The following AAK1 variants were observed in gnomAD, a reference collection of about 807,000 sequenced individuals.
AAK1 encodes the protein AP2-associated protein kinase 1.
In AAK1, 37 loss-of-function variants were observed where a neutral mutation model predicts 116.0. That is an observed-to-expected ratio of 0.32 (90% confidence interval 0.25 to 0.42). The LOEUF is 0.42. Ranked by LOEUF, AAK1 falls within the 10% of genes least tolerant of loss-of-function variation. AAK1 has a pLI of 1.00. For missense variants in AAK1, 919 were observed against 1,170.6 expected (o/e 0.79, Z 3.14); for synonymous variants, 458 against 439.9 (o/e 1.04, Z -0.51).
chr2:69,577,514 T>C (rs988384312), intron 2 of AAK1, among the ~76,000 whole-genome samples: 3 of 152,118 alleles, frequency 2.0e-5, no homozygotes, highest in African/African-American at 7.2e-5. Flanking sequence ...AAACATCCCC[T>C]CTACCCTCCA....
chr2:69,625,438 C>A (rs1674851610), intron 2 of AAK1, among the ~76,000 whole-genome samples: 2 of 152,186 alleles, frequency 1.3e-5, no homozygotes, highest in East Asian at 3.8e-4. Context: ...CCTAACAGAT[C>A]TATAACAAAA....
At chr2:69,589,237 G>C (rs1672920339) in intron 2 of AAK1, among the ~76,000 whole-genome samples, 1 of 152,214 alleles carries the variant, frequency 6.6e-6, no homozygotes, top group Non-Finnish European at 1.5e-5. Context: ...ACTGAACAGA[G>C]TTCCAGCCAA....
At chr2:69,501,569 G>C (rs1367977700) in intron 16 of AAK1, among the ~76,000 whole-genome samples, 1 of 152,208 alleles carries the variant, frequency 6.6e-6, no homozygotes, top group African/African-American at 2.4e-5. Flanking sequence ...GGGTGAAAAT[G>C]ACTGTCAAAT....
intron 16 of AAK1, among the ~76,000 whole-genome samples, chr2:69,497,274 A>T: frequency 7.0e-6 from 1 of 143,632 alleles, no homozygotes; most frequent in African/African-American, 2.6e-5. Flanking sequence ...GCACCACCAC[A>T]TGCAGCTTTA....
chr2:69,537,239 G>A (rs1249572514), intron 5 of AAK1, among the ~76,000 whole-genome samples: 1 of 152,246 alleles, frequency 6.6e-6, no homozygotes, highest in African/African-American at 2.4e-5. Context: ...TGGGGAAAAT[G>A]ATTAAAGTGT....
intron 16 of AAK1, among the ~76,000 whole-genome samples, chr2:69,501,427 C>T (rs1675975750): frequency 6.6e-6 from 1 of 151,852 alleles, no homozygotes; most frequent in Non-Finnish European, 1.5e-5. Context: ...AGAAAGCATT[C>T]TTAATAAACA....
chr2:69,529,856 A>G (rs897420393), intron 8 of AAK1, among the ~76,000 whole-genome samples, 152 bp downstream of exon 8: 1 of 152,158 alleles, frequency 6.6e-6, no homozygotes, highest in African/African-American at 2.4e-5. Flanking sequence ...CTAACTAGAC[A>G]GTTACATTGT....
At chr2:69,591,527 T>C (rs1038276780) in intron 2 of AAK1, among the ~76,000 whole-genome samples, 1 of 147,500 alleles carries the variant, frequency 6.8e-6, no homozygotes, top group Non-Finnish European at 1.5e-5. Context: ...CTTTTTCTTT[T>C]TTTTTTTTTT....
rs1403993491 is a variant in AAK1 at position 69,584,690 on chromosome 2, T to C, written c.164-27712A>G. Among the ~76,000 whole-genome samples, 9 of 152,346 alleles carry C rather than the reference T, an allele frequency of 5.9e-5. No homozygotes were observed. The South Asian group carries it at 1.0e-3, about 18-fold the overall frequency. On this transcript the variant is annotated intron_variant, in intron 2 of 21. Transcript: ENST00000409085. ...GGCTCTTGGTGACACACCATTGAAC[T>C]AGATTGCACAAGGTGGTATCCTCAC...
chr2:69,461,388 A>AT lies in AAK1; in HGVS notation c.*14480dup, dbSNP rs1036783282. 7.2e-4 allele frequency: 165 copies of AT among 228,632 alleles called. No homozygotes were observed. The highest frequency in any genetic ancestry group is 1.5e-3 in the South Asian group (35 of 23,688). The allele number at this position is 228,632 out of a possible 1,614,324, so 14.2% of individuals were successfully genotyped here. On this transcript the variant is annotated 3_prime_UTR_variant, in exon 22 of 22. Transcript: ENST00000409085. ...TCATCATTAAGTGGGGCATGACTGTATTTTTTTTTCTCTTTAAGGAAATAA... is the reference window on the plus strand; with the variant it reads ...TCATCATTAAGTGGGGCATGACTGTATTTTTTTTTTCTCTTTAAGGAAATAA...
At chr2:69,516,953 G>A (rs1399482635) in intron 12 of AAK1, 1 of 152,166 alleles carries the variant, frequency 6.6e-6, no homozygotes, top group Non-Finnish European at 1.5e-5. Flanking sequence ...TAGAAACGGA[G>A]CAGGTCAAAA....
chr2:69,483,462 T>C (rs554038487), intron 17 of AAK1, among the ~76,000 whole-genome samples: 4 of 152,366 alleles, frequency 2.6e-5, no homozygotes, highest in African/African-American at 9.6e-5. Context: ...CCACACTTTG[T>C]TGATCCATTC....
intron 2 of AAK1, among the ~76,000 whole-genome samples, chr2:69,605,592 A>G (rs1673765396): frequency 6.6e-6 from 1 of 152,078 alleles, no homozygotes; most frequent in African/African-American, 2.4e-5. Context: ...CAATCCACAG[A>G]CCTTATTCAC....
chr2:69,562,719 G>T (rs1191548252), intron 2 of AAK1, among the ~76,000 whole-genome samples: 1 of 151,998 alleles, frequency 6.6e-6, no homozygotes, highest in Non-Finnish European at 1.5e-5. Flanking sequence ...ATGAAACCCC[G>T]TCTCTACTAA....
chr2:69,490,055 G>A (rs2104916789), intron 17 of AAK1, among the ~76,000 whole-genome samples: 1 of 152,220 alleles, frequency 6.6e-6, no homozygotes, highest in African/African-American at 2.4e-5. Context: ...ATGATGAATT[G>A]CCATAAACCA....
At chr2:69,490,163 C>T (rs1675464532) in intron 17 of AAK1, among the ~76,000 whole-genome samples, 1 of 152,214 alleles carries the variant, frequency 6.6e-6, no homozygotes, top group African/African-American at 2.4e-5. Context: ...GAGATCAGTA[C>T]TGCAGACTTG....
At chr2:69,591,808 A>G (rs1673047312) in intron 2 of AAK1, among the ~76,000 whole-genome samples, 1 of 151,850 alleles carries the variant, frequency 6.6e-6, no homozygotes, top group African/African-American at 2.4e-5. Context: ...TGACCTCGTG[A>G]TCCGCCCGCC....
chr2:69,561,678 C>T (rs576920849), intron 2 of AAK1, among the ~76,000 whole-genome samples: 19 of 152,302 alleles, frequency 1.2e-4, no homozygotes, highest in Admixed American at 1.0e-3. Context: ...TATACCCGCA[C>T]GAGTGGCTGT....
Position 69,611,413 on chromosome 2 carries a change from A to G in AAK1, c.163+31465T>C, listed in dbSNP as rs181152295. Among the ~76,000 whole-genome samples, 852 of 152,270 alleles carry G rather than the reference A, an allele frequency of 5.6e-3. 9 individuals are homozygous for G. Among genetic ancestry groups the G allele is most frequent in the African/African-American group, 0.019 (809 of 41,536 alleles). ...CCTTCGGCCTCAGACTGGGGGCTGC[A>G]CTGTCAGACAACATTGAGACTTCCT... On this transcript the variant is annotated intron_variant, in intron 2 of 21. Transcript: ENST00000409085.
Sources: allele counts gnomAD v4.1 joint callset (sites outside exome capture counted in the v4.1 genomes callset), GRCh38; gene constraint gnomAD v4.1.1; transcripts MANE v1.5; gene names NCBI Gene and HGNC (gene_info 2026-07-23, HGNC 2026-07-21).